The following ERICH3 variants were observed in gnomAD, a reference collection of about 807,000 sequenced individuals.
ERICH3 encodes the protein glutamate-rich protein 3.
A neutral mutation model predicts 131.1 loss-of-function variants in ERICH3; 126 were observed. That is an observed-to-expected ratio of 0.96 (90% confidence interval 0.83 to 1.11). ERICH3 has a LOEUF of 1.11. ERICH3 is among the 50% of genes most tolerant of loss of function. The pLI, the probability that ERICH3 is intolerant of heterozygous loss-of-function variation, is 0.00. For missense variants in ERICH3, 2,050 were observed against 1,810.7 expected (o/e 1.13, Z -2.40); for synonymous variants, 695 against 644.6 (o/e 1.08, Z -1.18).
At position 74,585,550 on chromosome 1, in the gene ERICH3, G is replaced by C. The variant is rs146050135; in HGVS notation, c.2176+4081C>G. ...ATTCAAATTAAATCATGTTAGCTTA[G>C]AGTCTATAAAACATCATTAATTGTA... On this transcript the variant is annotated intron_variant, in intron 12 of 14. Transcript: ENST00000326665. Among the ~76,000 whole-genome samples the C allele has an allele frequency of 3.0e-3, 455 of 152,228 alleles. 2 individuals are homozygous for C. The highest frequency in any genetic ancestry group is 4.0e-3 in the Non-Finnish European group (271 of 67,962).
At chr1:74,649,412 AC>A in intron 1 of ERICH3, 97 bp from the exon 2 acceptor site, 1 of 814,568 alleles carries the variant, frequency 1.2e-6, no homozygotes, top group Non-Finnish European at 2.0e-6. Context: ...ATAATCATTC[AC>A]TCATGCAGCC....
At chr1:74,632,797 A>C (rs1275785671) in intron 6 of ERICH3, among the ~76,000 whole-genome samples, 1 of 151,968 alleles carries the variant, frequency 6.6e-6, no homozygotes, top group African/African-American at 2.4e-5. Flanking sequence ...AATAAGAATG[A>C]CTGAAAAAAC....
chr1:74,634,598 C>T (rs537706918), intron 6 of ERICH3: 1 of 697,286 alleles, frequency 1.4e-6, no homozygotes, highest in African/African-American at 1.8e-5. Flanking sequence ...GTTCACATGT[C>T]TAATGAAACA....
At chr1:74,667,474 A>T (rs781710503) in intron 1 of ERICH3, among the ~76,000 whole-genome samples, 1 of 152,194 alleles carries the variant, frequency 6.6e-6, no homozygotes, top group African/African-American at 2.4e-5. Flanking sequence ...CTTGGTCTGT[A>T]CCAAAATGAA....
At chr1:74,643,123 G>A in intron 3 of ERICH3, 25 bp from the exon 4 acceptor site, 1 of 1,571,784 alleles carries the variant, frequency 6.4e-7, no homozygotes, top group Non-Finnish European at 8.7e-7. Flanking sequence ...AAGAATAAAG[G>A]AGAGAATCAT....
rs139327239 is a variant in ERICH3, at chr1:74,572,626, A to T, written c.3084T>A (p.Asp1028Glu). 8.3e-5 allele frequency: 134 copies of T among 1,613,164 alleles called. No individual in the cohort carries two copies. Among genetic ancestry groups the T allele is most frequent in the Non-Finnish European group, 1.1e-4 (128 of 1,179,808 alleles). ...CAGTCACCATCTCTTCCCCTTCCAC[A>T]TCTTCCTTGCAAAGGAAGGCTTCCT... ...LAKEAFLCKE[D>E]VEGEEMVTEA... Residue 1028 changes from aspartate (D) to glutamate (E), a missense_variant, in exon 14 of 15, where the codon GAT becomes GAA. Physicochemically the swap from Asp to Glu is conservative, Grantham distance 45. Coordinates refer to ENST00000326665, the MANE Select transcript of ERICH3 (RefSeq NM_001002912.5).
chr1:74,673,377 C>A, intron 1 of ERICH3, 120 bp downstream of exon 1: 4 of 1,230,934 alleles, frequency 3.2e-6, no homozygotes, highest in African/African-American at 1.6e-5. Flanking sequence ...ATTTTCCTCT[C>A]CCCAGCCCTC....
At chr1:74,580,338 G>A (rs1031837489) in intron 12 of ERICH3, among the ~76,000 whole-genome samples, 20 of 152,060 alleles carry the variant, frequency 1.3e-4, no homozygotes, top group African/African-American at 4.8e-4. Context: ...GTTCATCAAT[G>A]TCTATTGTTA....
chr1:74,604,092 T>C (rs1008819050), intron 10 of ERICH3, among the ~76,000 whole-genome samples: 2 of 151,922 alleles, frequency 1.3e-5, no homozygotes, highest in African/African-American at 2.4e-5. Context: ...CTAATACATT[T>C]TATACATATT....
intron 2 of ERICH3, among the ~76,000 whole-genome samples, chr1:74,647,405 T>G (rs1646495439): frequency 6.6e-6 from 1 of 152,072 alleles, no homozygotes. Context: ...CCTACTGCTT[T>G]TTTTTTCTTC....
In ERICH3 at chr1:74,607,031, A is replaced by G. The variant is rs1648434172; in HGVS notation, c.1188-129T>C. The G allele has an allele frequency of 4.6e-6, 3 of 647,288 alleles. No individual in the cohort carries two copies. The East Asian group carries it at 9.1e-5, about 20-fold the overall frequency. 40.1% of individuals were successfully genotyped at this position (647,288 alleles called of 1,614,324 possible). A position where few individuals can be genotyped will look rare whatever the true frequency, so the allele number is the denominator to read the frequency against. ...CACAAAAATGTTTTGATTACAGTACACACTAATAAAAATAAACAATTAAAA... is the reference window on the plus strand; with the variant it reads ...CACAAAAATGTTTTGATTACAGTACGCACTAATAAAAATAAACAATTAAAA... On this transcript the variant is annotated intron_variant, in intron 9 of 14. Transcript: ENST00000326665.
chr1:74,640,062 G>T (rs532206327), intron 5 of ERICH3, among the ~76,000 whole-genome samples: 1 of 152,240 alleles, frequency 6.6e-6, no homozygotes, highest in East Asian at 1.9e-4. Flanking sequence ...TGGTTTCAGT[G>T]TTTCCTGTAA....
At position 74,606,907 on chromosome 1, in the gene ERICH3, G is replaced by C. The variant is rs993586773; in HGVS notation, c.1188-5C>G. The C allele has an allele frequency of 1.4e-5, 23 of 1,605,874 alleles. No individual in the cohort carries two copies. The highest frequency in any genetic ancestry group is 1.9e-5 in the Non-Finnish European group (22 of 1,176,602). On this transcript the variant is annotated splice_polypyrimidine_tract_variant and splice_region_variant and intron_variant, in intron 9 of 14. Transcript: ENST00000326665. The stretch of plus-strand genomic sequence containing the variant: ...AGGCCCATTGCAATAATGCACCTAT[G>C]AAAAATATTAGCAGGAAGTGTTTGT...
chr1:74,638,532 C>T (rs748331353), intron 5 of ERICH3, among the ~76,000 whole-genome samples: 14 of 152,236 alleles, frequency 9.2e-5, no homozygotes, highest in Admixed American at 3.3e-4. Flanking sequence ...TTTGAATATC[C>T]GACTGGGAAG....
Position 74,606,877 on chromosome 1 carries a change from T to G in ERICH3, c.1213A>C (p.Lys405Gln). 6.2e-7 allele frequency: 1 copy of G among 1,612,250 alleles called. No homozygotes were observed. Among genetic ancestry groups the G allele is most frequent in the Middle Eastern group, 1.7e-4 (1 of 6,046 alleles). Residue 405 changes from lysine (K) to glutamine (Q), a missense_variant, in exon 10 of 15, where the codon AAA (lysine) becomes CAA (glutamine). By Grantham distance (53) the Lys-to-Gln change is moderately conservative. Coordinates refer to ENST00000326665, the MANE Select transcript of ERICH3 (RefSeq NM_001002912.5). Reference sequence around the variant, plus strand: ...CTAGATTTCGGCAAAGACGGTTTTTTGTCAAGGCCCATTGCAATAATGCAC... The same window carrying G: ...CTAGATTTCGGCAAAGACGGTTTTTGGTCAAGGCCCATTGCAATAATGCAC... ...YKCIIAMGLD[K>Q]KPSLPKSRKE... is the part of the protein sequence containing the mutation.
intron 7 of ERICH3, 57 bp from the exon 8 acceptor site, chr1:74,620,971 T>A: frequency 3.0e-6 from 4 of 1,349,934 alleles, no homozygotes; most frequent in Non-Finnish European, 4.0e-6. Flanking sequence ...TGAGAGTTCT[T>A]ACCTGACATT....
At chr1:74,605,823 C>G (rs1045155755) in intron 10 of ERICH3, among the ~76,000 whole-genome samples, 2 of 151,652 alleles carry the variant, frequency 1.3e-5, no homozygotes, top group African/African-American at 4.8e-5. Context: ...AAATTTGAAA[C>G]AGAGATGAAG....
At chr1:74,609,651 C>T (rs1359481099) in intron 9 of ERICH3, among the ~76,000 whole-genome samples, 1 of 151,988 alleles carries the variant, frequency 6.6e-6, no homozygotes, top group Admixed American at 6.6e-5. Flanking sequence ...TTTTACCTGA[C>T]CTGCAACAGG....
rs796132154 is a variant in ERICH3, at chr1:74,580,540, A to T, written c.2177-3604T>A. 3.9e-5 allele frequency among the ~76,000 whole-genome samples: 6 copies of T among 152,338 alleles called. 1 individual carries two copies. The highest frequency in any genetic ancestry group is 1.4e-4 in the African/African-American group (6 of 41,590). On this transcript the variant is annotated intron_variant, in intron 12 of 14. Transcript: ENST00000326665. ...AGGTATGATGAACAATGTCATCAAT[A>T]ATGACTGAAAGTCCTATGTGCCTGC...
Sources: gnomAD v4.1 joint callset for allele counts (sites outside exome capture counted in the v4.1 genomes callset) on GRCh38, gnomAD v4.1.1 for gene constraint, MANE v1.5 for transcripts, NCBI Gene and HGNC (gene_info 2026-07-23, HGNC 2026-07-21) for gene names.